Variants in NAV3 observed in about 807,000 individuals in gnomAD.
The protein encoded by NAV3 is pore membrane and/or filament interacting like protein 1.
A neutral mutation model predicts 244.7 loss-of-function variants in NAV3; 87 were observed. The observed-to-expected ratio is 0.36, with a 90% CI of 0.30 to 0.42. The LOEUF (loss-of-function observed/expected upper bound fraction) is 0.42. Among genes scored for constraint, NAV3 ranks in the 20% least tolerant of loss-of-function variants. The probability of loss-of-function intolerance (pLI) is 1.00; values close to 1 mark genes in which losing one functional copy is unlikely to be tolerated. For synonymous variants in NAV3, 1,126 were observed against 1,042.2 expected, an observed-to-expected ratio of 1.08 and a Z score of -1.55; for missense variants, 2,663 against 2,893.3, an observed-to-expected ratio of 0.92 and a Z score of 1.83.
intron 34 of NAV3, among the ~76,000 whole-genome samples, chr12:78,193,336 G>T (rs1022303789): frequency 6.6e-6 from 1 of 152,158 alleles, no homozygotes; most frequent in Non-Finnish European, 1.5e-5. Context: ...TAGGCCCAGA[G>T]GGCTAGAGGT....
chr12:78,199,052 T>A (rs749801068), intron 36 of NAV3: 14 of 568,246 alleles, frequency 2.5e-5, no homozygotes, highest in South Asian at 2.2e-4. Context: ...TCAGGATTTG[T>A]GATTCTCCTA....
chr12:78,024,775 A>G (rs184560485), intron 9 of NAV3, among the ~76,000 whole-genome samples: 5 of 152,234 alleles, frequency 3.3e-5, no homozygotes, highest in Admixed American at 3.3e-4. Flanking sequence ...CAGGAGATCG[A>G]GACCATCCTG....
chr12:78,009,984 G>A (rs1053583218), intron 8 of NAV3, among the ~76,000 whole-genome samples: 1 of 152,138 alleles, frequency 6.6e-6, no homozygotes, highest in African/African-American at 2.4e-5. Flanking sequence ...GGAGGCCAAG[G>A]TGGGAGGATG....
chr12:77,755,551 T>C (rs1380266890), intron 2 of NAV3, among the ~76,000 whole-genome samples: 3 of 61,922 alleles, frequency 4.8e-5, no homozygotes. Flanking sequence ...TCCTTTCCTT[T>C]CCTTTCCTTT....
chr12:78,084,926 T>C (rs1953553272), intron 12 of NAV3, among the ~76,000 whole-genome samples: 3 of 152,192 alleles, frequency 2.0e-5, no homozygotes, highest in South Asian at 4.1e-4. Context: ...ATTTATGATG[T>C]TTGAATAGAA....
At chr12:77,876,742 G>A (rs1410230529) in intron 1 of NAV3, among the ~76,000 whole-genome samples, 1 of 152,046 alleles carries the variant, frequency 6.6e-6, no homozygotes, top group Non-Finnish European at 1.5e-5. Flanking sequence ...AGTTTACTGT[G>A]AAAGTTAAAT....
rs1173106698 is a variant in NAV3 at position 78,119,632 on chromosome 12, A to C, written c.3436A>C (p.Thr1146Pro). Residue 1146 changes from threonine to proline, a missense_variant, in exon 15 of 40, where the codon ACC becomes CCC. By Grantham distance (38) the Thr-to-Pro change is conservative (BLOSUM62 -1). This residue lies in a region of NAV3 where 1,521 missense variants were observed against 1,497.0 expected (regional missense o/e 1.02). Coordinates refer to ENST00000397909, the MANE Select transcript of NAV3 (RefSeq NM_001024383.2). ...RSLPRPSKSS[T>P]SGIPGRGGHR... is the part of the protein sequence containing the mutation. ...CTTGCCCCGCCCTTCAAAATCCAGC[A>C]CCAGTGGCATTCCTGGCCGAGGAGG... is the stretch of plus-strand genomic sequence containing the variant. 2 of 1,614,146 alleles carry C rather than the reference A, an allele frequency of 1.2e-6. No homozygotes were observed. Among genetic ancestry groups the C allele is most frequent in the Middle Eastern group, 1.6e-4 (1 of 6,062 alleles).
intron 1 of NAV3, among the ~76,000 whole-genome samples, chr12:77,932,300 G>C (rs1361181467): frequency 6.6e-6 from 1 of 152,030 alleles, no homozygotes; most frequent in African/African-American, 2.4e-5. Flanking sequence ...GGATAGGCCG[G>C]CAACAATATA....
At position 77,893,234 on chromosome 12, in the gene NAV3, C is replaced by T. The variant is rs181014131; in HGVS notation, c.244-47085C>T. On this transcript the variant is annotated intron_variant, in intron 1 of 39. Coordinates refer to ENST00000397909, the MANE Select transcript of NAV3 (RefSeq NM_001024383.2). ...CCTCAGGAATGAGGTAGATAACCAA[C>T]TACAGTTACATTATGCTGTAAATTT... is the stretch of plus-strand genomic sequence containing the variant. 9.2e-5 allele frequency among the ~76,000 whole-genome samples: 14 copies of T among 152,272 alleles called. No homozygotes were observed. The East Asian group carries it at 2.3e-3, about 25-fold the overall frequency.
At chr12:77,966,185 A>G (rs1406954382) in intron 3 of NAV3, 44 bp from the exon 4 acceptor site, 1 of 1,532,886 alleles carries the variant, frequency 6.5e-7, no homozygotes, top group Non-Finnish European at 9.0e-7. Flanking sequence ...ATTTGTTAAA[A>G]TATAATCCTC....
At position 77,577,913 on chromosome 12, in the gene NAV3, T is replaced by C. The variant is rs4761387; in HGVS notation, c.72+5647T>C. Among the ~76,000 whole-genome samples the C allele has an allele frequency of 2.0e-3, 307 of 152,250 alleles. 2 individuals are homozygous for C. Among genetic ancestry groups the C allele is most frequent in the Admixed American group, 0.014 (218 of 15,280 alleles). ...TTTCTCTGGATAGCAGGCTGCCTGC[T>C]AGTGAGCTGGGCCATCTGATTTAAT... On this transcript the variant is annotated intron_variant, in intron 2 of 8. Coordinates refer to the NAV3 transcript ENST00000550042.
intron 30 of NAV3, among the ~76,000 whole-genome samples, chr12:78,181,750 C>A (rs114308370): frequency 2.0e-5 from 3 of 152,060 alleles, no homozygotes; most frequent in Middle Eastern, 3.4e-3. Flanking sequence ...CACCAGATGA[C>A]GCTTGGAAAC....
At position 77,831,631 on chromosome 12, in the gene NAV3, C is replaced by G. The variant is rs754878822; in HGVS notation, c.170C>G (p.Ala57Gly). The part of the protein sequence containing the change: ...TESSMLSCQL[A>G]LKSTCEFGEK... The stretch of plus-strand genomic sequence containing the variant: ...AGCTCCATGCTTTCTTGTCAGCTTG[C>G]GTTAAAATCAACCTGTGAATTTGGA... Residue 57 changes from alanine to glycine, a missense_variant, in exon 1 of 40, where the codon GCG becomes GGG. Around this residue, in one of 6 missense-constraint regions of NAV3, gnomAD observed 1,521 missense variants for 1,497.0 expected, o/e 1.02. Coordinates refer to ENST00000397909, the MANE Select transcript of NAV3 (RefSeq NM_001024383.2). 1 of 1,613,872 alleles carries G rather than the reference C, an allele frequency of 6.2e-7. No homozygotes were observed.
intron 3 of NAV3, among the ~76,000 whole-genome samples, chr12:77,945,129 A>T (rs1565945048): frequency 6.7e-6 from 1 of 149,232 alleles, no homozygotes; most frequent in African/African-American, 2.4e-5. Flanking sequence ...GAGAAAAAAA[A>T]AAAATAAATA....
In NAV3 at chr12:77,831,210, AG is replaced by A. The variant is rs1465327413; in HGVS notation, c.-251del. On this transcript the variant is annotated 5_prime_UTR_variant, in exon 1 of 40. Transcript: ENST00000397909. ...GAGAGAGAGACAGAGAGAGAGAGAG[AG>A]AGAGAGAAAGAGAGAGAGAGAGAGA... 3.7e-3 allele frequency: 1,081 copies of A among 290,026 alleles called. 1 individual carries two copies. The highest frequency in any genetic ancestry group is 9.5e-3 in the Middle Eastern group (9 of 950). The allele number at this position is 290,026 out of a possible 1,614,324, so 18.0% of individuals were successfully genotyped here.
chr12:77,702,841 T>TAGGCTGTATTTCATATG, intron 2 of NAV3, among the ~76,000 whole-genome samples: 1 of 151,650 alleles, frequency 6.6e-6, no homozygotes, highest in South Asian at 2.1e-4. Flanking sequence ...ATTTTGTATT[T>TAGGCTGTATTTCATATG]GCCTCTATAT....
chr12:78,007,272 T>C lies in NAV3; in HGVS notation c.1734T>C (p.Ser578=), dbSNP rs369469669. 1.9e-6 allele frequency: 3 copies of C among 1,614,208 alleles called. No homozygotes were observed. The highest frequency in any genetic ancestry group is 1.7e-5 in the Admixed American group (1 of 60,028). The part of the protein sequence containing the change: ...PITMEKASAS[S]CPAPLEGREA... ...CCATGGAGAAAGCAAGTGCTTCTAG[T>C]TGTCCTGCCCCTTTGGAAGGAAGGG... is the stretch of plus-strand genomic sequence containing the variant. Residue 578 remains serine, a synonymous_variant, in exon 8 of 40, where the codon AGT becomes AGC. Transcript: ENST00000397909.
chr12:78,122,908 TA>T (rs61235295), intron 16 of NAV3, among the ~76,000 whole-genome samples: 4,802 of 144,240 alleles, frequency 0.033, 191 homozygotes, highest in African/African-American at 0.09. Context: ...TTGGCCTGGT[TA>T]AAAAAAAAAA....
At chr12:77,909,866 A>C (rs1052239096) in intron 1 of NAV3, among the ~76,000 whole-genome samples, 3 of 152,100 alleles carry the variant, frequency 2.0e-5, no homozygotes, top group Admixed American at 2.0e-4. Flanking sequence ...AATGTCTAAA[A>C]ATGGGTTTCA....
Sources: allele counts gnomAD v4.1 joint callset (sites outside exome capture counted in the v4.1 genomes callset), GRCh38; gene constraint gnomAD v4.1.1; regional missense constraint gnomAD v4.1.1; transcripts MANE v1.5; gene names NCBI Gene and HGNC (gene_info 2026-07-23, HGNC 2026-07-21).